Variants in SLC10A7 observed in about 807,000 individuals in gnomAD.
The protein encoded by SLC10A7 is sodium/bile acid cotransporter 7.
SLC10A7 carries 29 observed loss-of-function variants against 43.2 expected under a neutral mutation model. The observed-to-expected ratio is 0.67, with a 90% confidence interval of 0.50 to 0.92. SLC10A7 has a LOEUF of 0.92. SLC10A7 is among the 40% of genes least tolerant of loss of function. The pLI is 0.00. For synonymous variants in SLC10A7, 152 were observed against 144.8 expected (o/e 1.05, Z -0.35); for missense variants, 295 against 403.2 (o/e 0.73, Z 2.30).
At chr4:146,489,931 C>T (rs1045620499) in intron 4 of SLC10A7, among the ~76,000 whole-genome samples, 1 of 145,044 alleles carries the variant, frequency 6.9e-6, no homozygotes, top group Non-Finnish European at 1.5e-5. Context: ...AAAGTAGGCT[C>T]TTTTTTTTTT....
At chr4:146,504,760 T>A (rs990362849) in intron 3 of SLC10A7, among the ~76,000 whole-genome samples, 1 of 152,144 alleles carries the variant, frequency 6.6e-6, no homozygotes, top group Admixed American at 6.5e-5. Flanking sequence ...CAAAAGACAT[T>A]TTAACATTGT....
intron 4 of SLC10A7, among the ~76,000 whole-genome samples, chr4:146,457,900 A>C (rs1011268179): frequency 6.6e-6 from 1 of 151,928 alleles, no homozygotes; most frequent in South Asian, 2.1e-4. Context: ...AATTCTACCA[A>C]ATATTTAAAG....
intron 3 of SLC10A7, among the ~76,000 whole-genome samples, chr4:146,504,476 G>A (rs1265587136): frequency 1.4e-5 from 2 of 139,906 alleles, no homozygotes; most frequent in African/African-American, 2.7e-5. Flanking sequence ...CCGAGATAGC[G>A]CCACTGCAGT....
chr4:146,355,866 A>C (rs1021636702), intron 5 of SLC10A7, among the ~76,000 whole-genome samples: 2 of 111,936 alleles, frequency 1.8e-5, no homozygotes, highest in Non-Finnish European at 3.3e-5. Context: ...AGGAAGGGGA[A>C]TATCACACTC....
chr4:146,472,415 A>G (rs1253553207), intron 4 of SLC10A7, among the ~76,000 whole-genome samples: 3 of 149,896 alleles, frequency 2.0e-5, no homozygotes, highest in Admixed American at 6.7e-5. Context: ...TCTCATTTAC[A>G]TATCTGTGCA....
At chr4:146,323,099 T>G (rs1732848334) in intron 6 of SLC10A7, among the ~76,000 whole-genome samples, 1 of 152,220 alleles carries the variant, frequency 6.6e-6, no homozygotes, top group African/African-American at 2.4e-5. Context: ...TTGAGTTCCT[T>G]GTAGATTCTG....
At chr4:146,521,327 G>A (rs1444776238) in intron 1 of SLC10A7, among the ~76,000 whole-genome samples, 1 of 152,036 alleles carries the variant, frequency 6.6e-6, no homozygotes, top group South Asian at 2.1e-4. Flanking sequence ...ATGCTACTTT[G>A]AAGGCAAGAG....
At chr4:146,489,047 C>G (rs1735160040) in intron 4 of SLC10A7, among the ~76,000 whole-genome samples, 1 of 152,148 alleles carries the variant, frequency 6.6e-6, no homozygotes, top group South Asian at 2.1e-4. Context: ...CAATGAGATA[C>G]ACAGCCATTT....
In SLC10A7 at chr4:146,521,927, A is replaced by C. The variant is rs896687018; in HGVS notation, c.-210T>G. Reference sequence around the variant, plus strand: ...GGAGTAGTAGTAGCCAGTGACAGGAAAGTCTCACTGAGCGCCGCCATCACT... The same window carrying C: ...GGAGTAGTAGTAGCCAGTGACAGGACAGTCTCACTGAGCGCCGCCATCACT... On this transcript the variant is annotated 5_prime_UTR_variant, in exon 1 of 12. Coordinates refer to ENST00000335472, the MANE Select transcript of SLC10A7 (RefSeq NM_001029998.6). 3 of 497,974 alleles carry C rather than the reference A, an allele frequency of 6.0e-6. No individual in the cohort carries two copies. The highest frequency in any genetic ancestry group is 1.1e-5 in the Non-Finnish European group (3 of 279,450). 30.8% of individuals were successfully genotyped at this position (497,974 alleles called of 1,614,324 possible).
intron 4 of SLC10A7, among the ~76,000 whole-genome samples, chr4:146,491,154 G>C (rs1735379355): frequency 1.3e-5 from 2 of 152,134 alleles, no homozygotes; most frequent in African/African-American, 4.8e-5. Context: ...TTGACTGATG[G>C]GCAAGGCTTC....
chr4:146,442,046 A>C, intron 5 of SLC10A7: 2 of 977,926 alleles, frequency 2.0e-6, no homozygotes, highest in Non-Finnish European at 2.4e-6. Context: ...ACAATATGAT[A>C]ATTAACTTCA....
intron 10 of SLC10A7, among the ~76,000 whole-genome samples, chr4:146,262,026 G>A (rs979750575): frequency 1.3e-5 from 2 of 152,182 alleles, no homozygotes; most frequent in Admixed American, 6.5e-5. Context: ...TCCACCAAAA[G>A]CATTTCCCCC....
chr4:146,427,166 T>TA (rs2149860713), intron 5 of SLC10A7, among the ~76,000 whole-genome samples: 1 of 152,062 alleles, frequency 6.6e-6, no homozygotes, highest in African/African-American at 2.4e-5. Context: ...CCTGTCTCTA[T>TA]AAAAAATTAA....
At chr4:146,328,073 G>A (rs2149710003) in intron 5 of SLC10A7, among the ~76,000 whole-genome samples, 1 of 152,302 alleles carries the variant, frequency 6.6e-6, no homozygotes, top group African/African-American at 2.4e-5. Flanking sequence ...ACACCATTGG[G>A]AGGCCTCAAG....
chr4:146,309,171 A>G (rs1731787200), intron 6 of SLC10A7, among the ~76,000 whole-genome samples: 1 of 152,144 alleles, frequency 6.6e-6, no homozygotes, highest in Non-Finnish European at 1.5e-5. Flanking sequence ...AATTCTTTCC[A>G]ACACATCCTC....
intron 5 of SLC10A7, among the ~76,000 whole-genome samples, chr4:146,362,311 C>G (rs1424396252): frequency 6.6e-6 from 1 of 151,982 alleles, no homozygotes; most frequent in Non-Finnish European, 1.5e-5. Flanking sequence ...TAATCCAACT[C>G]TCAAAGGTCA....
chr4:146,286,177 A>AGTTTGGAGTGGTGAGAAGGACCGT, intron 9 of SLC10A7, among the ~76,000 whole-genome samples: 1 of 141,996 alleles, frequency 7.0e-6, no homozygotes, highest in Non-Finnish European at 1.5e-5. Context: ...AGAAGGACGG[A>AGTTTGGAGTGGTGAGAAGGACCGT]GTTTGGAGTG....
intron 10 of SLC10A7, among the ~76,000 whole-genome samples, chr4:146,259,541 C>A (rs148036847): frequency 0.022 from 3,314 of 152,258 alleles, 107 homozygotes; most frequent in African/African-American, 0.075. Context: ...GTGGAGGTTG[C>A]AGTGAGCTGA....
chr4:146,441,059 G>C (rs1234088725), intron 5 of SLC10A7, among the ~76,000 whole-genome samples: 2 of 152,008 alleles, frequency 1.3e-5, no homozygotes, highest in Non-Finnish European at 2.9e-5. Context: ...CCACAACCTA[G>C]TGGGACCCAC....
Sources: allele counts gnomAD v4.1 joint callset (sites outside exome capture counted in the v4.1 genomes callset), GRCh38; gene constraint gnomAD v4.1.1; transcripts MANE v1.5; gene names NCBI Gene and HGNC (gene_info 2026-07-23, HGNC 2026-07-21).